Variants in MDH1B observed in about 807,000 individuals in gnomAD.
The protein encoded by MDH1B is malate dehydrogenase 1B.
Under a neutral mutation model 61.4 loss-of-function variants are expected in MDH1B, and 60 were observed. That is an observed-to-expected ratio of 0.98 (90% CI 0.79 to 1.21). MDH1B has a LOEUF of 1.21. Ranked by LOEUF, MDH1B falls within the 50% of genes most tolerant of loss-of-function variation. The pLI, the probability that MDH1B is intolerant of heterozygous loss-of-function variation, is 0.00. For synonymous variants in MDH1B, 236 were observed against 218.7 expected (o/e 1.08, Z -0.70); for missense variants, 587 against 632.1 (o/e 0.93, Z 0.76).
At position 206,738,356 on chromosome 2, in the gene MDH1B, G is replaced by T. The variant is rs1687604745; in HGVS notation, c.*127C>A. ...GCTGTCACAGTGATTTAATTGCCTT[G>T]CATGGTATTATCTAAGACTGACATA... On this transcript the variant is annotated 3_prime_UTR_variant, in exon 12 of 12. Coordinates refer to ENST00000374412, the MANE Select transcript of MDH1B (RefSeq NM_001039845.3). The T allele has an allele frequency of 1.6e-6, 1 of 625,036 alleles. No homozygotes were observed. Among genetic ancestry groups the T allele is most frequent in the Non-Finnish European group, 2.6e-6 (1 of 390,856 alleles). 38.7% of individuals were successfully genotyped at this position (625,036 alleles called of 1,614,324 possible). A position where few individuals can be genotyped will look rare whatever the true frequency, so the allele number is the denominator to read the frequency against.
chr2:206,755,593 A>C (rs2105943405), intron 4 of MDH1B, 88 bp from the exon 5 acceptor site: 3 of 1,465,342 alleles, frequency 2.0e-6, no homozygotes, highest in Non-Finnish European at 2.7e-6. Flanking sequence ...CTGCATGTGC[A>C]TCAATAGGGT....
chr2:206,749,093 T>C lies in MDH1B; in HGVS notation c.1143A>G (p.Ile381Met). ...GGTACCAGTATTTCAGTGTAGTGGC[T>C]ATACTGTGTGCAGCCAAAATGCCTC... is the stretch of plus-strand genomic sequence containing the variant. Reference protein sequence around the residue: ...QFGGILAAHSIATTLKYWYHG... With the variant: ...QFGGILAAHSMATTLKYWYHG... The change falls in exon 7 of 12, where the codon ATA (isoleucine) becomes ATG (methionine). Residue 381 changes from isoleucine (I) to methionine (M), a missense_variant. Coordinates refer to ENST00000374412, the MANE Select transcript of MDH1B (RefSeq NM_001039845.3). 1 of 1,614,008 alleles carries C rather than the reference T, an allele frequency of 6.2e-7. No individual in the cohort carries two copies. The highest frequency in any genetic ancestry group is 8.5e-7 in the Non-Finnish European group (1 of 1,179,856).
At chr2:206,749,231 G>T in intron 6 of MDH1B, 48 bp from the exon 7 acceptor site, 1 of 1,558,004 alleles carries the variant, frequency 6.4e-7, no homozygotes, top group Non-Finnish European at 8.8e-7. Flanking sequence ...AGGAATTAAA[G>T]AGAAAAAGGA....
At position 206,755,281 on chromosome 2, in the gene MDH1B, A is replaced by C. The variant is rs376612623; in HGVS notation, c.638T>G (p.Val213Gly). 24 of 1,614,044 alleles carry C rather than the reference A, an allele frequency of 1.5e-5. No homozygotes were observed. The highest frequency in any genetic ancestry group is 1.9e-5 in the Non-Finnish European group (23 of 1,180,042). Residue 213 changes from valine to glycine, a missense_variant, in exon 5 of 12, where the codon GTG becomes GGG. Physicochemically the swap from Val to Gly is moderately radical, Grantham distance 109. Coordinates refer to ENST00000374412, the MANE Select transcript of MDH1B (RefSeq NM_001039845.3). ...EAFRQAHVIV[V>G]LDDSTNKEVF... is the part of the protein sequence containing the mutation. ...CTCCTTGTTGGTGCTGTCATCCAGC[A>C]CCACAATGACGTGGGCCTGGCGGAA...
chr2:206,738,610 T>G (rs189163511), intron 11 of MDH1B, 99 bp from the exon 12 acceptor site: 1 of 789,200 alleles, frequency 1.3e-6, no homozygotes, highest in Admixed American at 2.3e-5. Context: ...CCTGTATTCA[T>G]GATTCAATAG....
In MDH1B at chr2:206,745,643, G is replaced by A. The variant is rs770158996; in HGVS notation, c.1387C>T (p.His463Tyr). 7.5e-6 allele frequency: 12 copies of A among 1,610,060 alleles called. No individual in the cohort carries two copies. Among genetic ancestry groups the A allele is most frequent in the Non-Finnish European group, 9.3e-6 (11 of 1,177,734 alleles). ...TTACCTGATTGGTATGGCTGAAAATGTATCTTGTCTCCAAGTGCAACAAGT... is the reference window on the plus strand; with the variant it reads ...TTACCTGATTGGTATGGCTGAAAATATATCTTGTCTCCAAGTGCAACAAGT... The part of the protein sequence containing the change: ...EKLVALGDKI[H>Y]FQPYQSGHKD... Residue 463 changes from histidine (H) to tyrosine (Y), a missense_variant, in exon 9 of 12, where the codon CAT becomes TAT. Coordinates refer to ENST00000374412, the MANE Select transcript of MDH1B (RefSeq NM_001039845.3).
chr2:206,742,555 G>A (rs1687870593), intron 9 of MDH1B, among the ~76,000 whole-genome samples: 1 of 151,928 alleles, frequency 6.6e-6, no homozygotes, highest in African/African-American at 2.4e-5. Flanking sequence ...AGTTGCCAGG[G>A]AAAATGTTGA....
intron 10 of MDH1B, 30 bp downstream of exon 10, chr2:206,741,024 T>C (rs762477406): frequency 6.2e-7 from 1 of 1,612,718 alleles, no homozygotes; most frequent in Non-Finnish European, 8.5e-7. Context: ...ATTAGCAATA[T>C]AGACATTGTT....
intron 11 of MDH1B, 26 bp downstream of exon 11, chr2:206,739,567 T>C (rs1687689435): frequency 6.3e-7 from 1 of 1,595,186 alleles, no homozygotes; most frequent in Admixed American, 1.7e-5. Flanking sequence ...AAGAAAATAC[T>C]AGTTAATGTT....
chr2:206,745,077 C>T (rs1688026113), intron 9 of MDH1B, among the ~76,000 whole-genome samples: 1 of 151,952 alleles, frequency 6.6e-6, no homozygotes, highest in Non-Finnish European at 1.5e-5. Flanking sequence ...GTCTTGAATG[C>T]AATGACTGGT....
intron 9 of MDH1B, among the ~76,000 whole-genome samples, chr2:206,742,936 C>T (rs188408762): frequency 1.1e-4 from 16 of 152,074 alleles, no homozygotes; most frequent in African/African-American, 1.2e-4. Context: ...AGGATGGTCT[C>T]GATCTCCTGA....
At chr2:206,745,451 G>A (rs1045553586) in intron 9 of MDH1B, 171 bp downstream of exon 9, 3 of 654,278 alleles carry the variant, frequency 4.6e-6, no homozygotes, top group African/African-American at 1.8e-5. Flanking sequence ...ACATTCTTAT[G>A]AGATGTTTTA....
Position 206,756,953 on chromosome 2 carries a change from G to T in MDH1B, c.358C>A (p.Gln120Lys). 2 of 1,614,036 alleles carry T rather than the reference G, an allele frequency of 1.2e-6. No homozygotes were observed. The highest frequency in any genetic ancestry group is 1.7e-6 in the Non-Finnish European group (2 of 1,179,988). Residue 120 changes from glutamine to lysine, a missense_variant, in exon 4 of 12, where the codon CAG (glutamine) becomes AAG (lysine). Physicochemically the swap from Gln to Lys is moderately conservative, Grantham distance 53. Transcript: ENST00000374412. ...CAAGTTTTCAGGGCTTCTTCCTCCT[G>T]CTCTTTTTCTATATGTGCCCCCAGG... ...ENLGAHIEKE[Q>K]EEEALKTCIN...
At position 206,755,198 on chromosome 2, in the gene MDH1B, A is replaced by G; in HGVS notation, c.721T>C (p.Tyr241His). 1 of 1,614,120 alleles carries G rather than the reference A, an allele frequency of 6.2e-7. No individual in the cohort carries two copies. The change falls in exon 5 of 12, where the codon TAC becomes CAC. Residue 241 changes from tyrosine (Y) to histidine (H), a missense_variant. Physicochemically the swap from Tyr to His is moderately conservative, Grantham distance 83. Transcript: ENST00000374412. ...SRVPLCRLYG[Y>H]LIEKNAHESV... ...TCATGAGCATTTTTCTCTATCAGGTACCCATAGAGCCTGCAGAGAGGCACC... is the reference window on the plus strand; with the variant it reads ...TCATGAGCATTTTTCTCTATCAGGTGCCCATAGAGCCTGCAGAGAGGCACC...
At chr2:206,763,353 A>C (rs1188069684) in intron 1 of MDH1B, among the ~76,000 whole-genome samples, 2 of 151,364 alleles carry the variant, frequency 1.3e-5, no homozygotes, top group Non-Finnish European at 2.9e-5. Flanking sequence ...TCAATTAGAC[A>C]TCCAGTTCTA....
intron 1 of MDH1B, among the ~76,000 whole-genome samples, chr2:206,764,269 G>C (rs962672542): frequency 6.6e-6 from 1 of 150,670 alleles, no homozygotes; most frequent in South Asian, 2.1e-4. Context: ...CTGCAATCCA[G>C]CCTGGGTGAC....
chr2:206,739,749 C>G, intron 10 of MDH1B, 88 bp from the exon 11 acceptor site: 1 of 1,193,870 alleles, frequency 8.4e-7, no homozygotes, highest in Non-Finnish European at 1.2e-6. Flanking sequence ...CTTGTTCCTT[C>G]CACTCTGAGG....
chr2:206,743,168 G>A (rs896109413), intron 9 of MDH1B, among the ~76,000 whole-genome samples: 1 of 152,174 alleles, frequency 6.6e-6, no homozygotes, highest in Non-Finnish European at 1.5e-5. Context: ...TAATGTTGCA[G>A]CTCAGGAAGC....
chr2:206,760,955 C>A lies in MDH1B; in HGVS notation c.81G>T (p.Lys27Asn), dbSNP rs201808868. 6.2e-6 allele frequency: 10 copies of A among 1,613,056 alleles called. No individual in the cohort carries two copies. The highest frequency in any genetic ancestry group is 8.5e-6 in the Non-Finnish European group (10 of 1,179,306). ...TATGTATCCGAAAATCAGGAAGATTCTTTTGTAAATAGTCTGCCACAAGTT... is the reference window on the plus strand; with the variant it reads ...TATGTATCCGAAAATCAGGAAGATTATTTTGTAAATAGTCTGCCACAAGTT... ...KTELVADYLQKNLPDFRIHKI... is the reference protein window; with the variant it reads ...KTELVADYLQNNLPDFRIHKI... Residue 27 changes from lysine to asparagine, a missense_variant, in exon 2 of 12, where the codon AAG (lysine) becomes AAT (asparagine). Physicochemically the swap from Lys to Asn is moderately conservative, Grantham distance 94. Coordinates refer to ENST00000374412, the MANE Select transcript of MDH1B (RefSeq NM_001039845.3).
Sources: gnomAD v4.1 joint callset for allele counts (sites outside exome capture counted in the v4.1 genomes callset) on GRCh38, gnomAD v4.1.1 for gene constraint, MANE v1.5 for transcripts, NCBI Gene and HGNC (gene_info 2026-07-23, HGNC 2026-07-21) for gene names.